Variants in SLC7A2 observed in about 807,000 individuals in gnomAD.
SLC7A2 encodes the protein solute carrier family 7 member 2.
SLC7A2 carries 48 observed loss-of-function variants against 58.9 expected under a neutral mutation model. The observed-to-expected ratio is 0.82, with a 90% CI of 0.65 to 1.04. SLC7A2 has a LOEUF of 1.04. Ranked by LOEUF, SLC7A2 falls within the 50% of genes least tolerant of loss-of-function variation. The pLI, the probability that SLC7A2 is intolerant of heterozygous loss-of-function variation, is 0.00. For missense variants in SLC7A2, 1,029 were observed against 818.8 expected (o/e 1.26, Z -3.13); for synonymous variants, 363 against 314.5 (o/e 1.15, Z -1.63).
chr8:17,504,143 C>CT (rs1800276973), intron 2 of SLC7A2, among the ~76,000 whole-genome samples: 2 of 152,208 alleles, frequency 1.3e-5, no homozygotes, highest in South Asian at 4.1e-4. Context: ...GAATAACAAA[C>CT]TACTAAGAAT....
chr8:17,509,239 G>T (rs1412850553), intron 2 of SLC7A2, among the ~76,000 whole-genome samples: 1 of 152,142 alleles, frequency 6.6e-6, no homozygotes, highest in African/African-American at 2.4e-5. Context: ...CCATGAATCA[G>T]AATTCAGGCT....
intron 2 of SLC7A2, among the ~76,000 whole-genome samples, chr8:17,505,793 C>G (rs1288241576): frequency 6.6e-6 from 1 of 152,072 alleles, no homozygotes; most frequent in Non-Finnish European, 1.5e-5. Context: ...TACGGATATT[C>G]TTGTAGAAAT....
intron 2 of SLC7A2, among the ~76,000 whole-genome samples, chr8:17,514,891 T>C (rs1352525043): frequency 6.6e-6 from 1 of 152,190 alleles, no homozygotes; most frequent in Non-Finnish European, 1.5e-5. Context: ...AATATGAATA[T>C]TTCTGGTATT....
intron 2 of SLC7A2, among the ~76,000 whole-genome samples, chr8:17,506,832 G>C (rs1335172391): frequency 6.6e-6 from 1 of 151,902 alleles, no homozygotes; most frequent in Non-Finnish European, 1.5e-5. Context: ...CTCATGTGAG[G>C]TTAGACAGCT....
intron 2 of SLC7A2, among the ~76,000 whole-genome samples, chr8:17,505,684 A>G (rs935134093): frequency 6.6e-6 from 1 of 152,198 alleles, no homozygotes; most frequent in African/African-American, 2.4e-5. Flanking sequence ...CAGAAAAAAA[A>G]TGGGTAAGCA....
chr8:17,515,650 T>C (rs1354682304), intron 2 of SLC7A2, among the ~76,000 whole-genome samples: 1 of 152,152 alleles, frequency 6.6e-6, no homozygotes, highest in Non-Finnish European at 1.5e-5. Context: ...TTTTTGGCAA[T>C]GTGTGCTTTG....
chr8:17,531,341 A>G (rs568624779), intron 2 of SLC7A2, among the ~76,000 whole-genome samples: 2 of 152,254 alleles, frequency 1.3e-5, no homozygotes, highest in South Asian at 4.1e-4. Flanking sequence ...GGACAGAAAA[A>G]TAAGTTATAG....
intron 2 of SLC7A2, among the ~76,000 whole-genome samples, chr8:17,530,675 C>A (rs914613910): frequency 6.6e-6 from 1 of 151,502 alleles, no homozygotes; most frequent in African/African-American, 2.4e-5. Flanking sequence ...TAGGTTCAAG[C>A]GTTTCTCCTG....
intron 2 of SLC7A2, among the ~76,000 whole-genome samples, chr8:17,522,137 G>C (rs10106231): frequency 6.6e-6 from 1 of 152,050 alleles, no homozygotes; most frequent in African/African-American, 2.4e-5. Flanking sequence ...TGGACTCACA[G>C]TTCCACATGG....
At position 17,568,874 on chromosome 8, in the gene SLC7A2, G is replaced by C. The variant is rs1362316537; in HGVS notation, c.*3728G>C. On this transcript the variant is annotated 3_prime_UTR_variant, in exon 13 of 13. Transcript: ENST00000494857. Reference sequence around the variant, plus strand: ...AGCTACTGGGGGTGCTGAGGTGGGAGGATCGCTTGAGCCCAGGAGAGTGAG... The same window carrying C: ...AGCTACTGGGGGTGCTGAGGTGGGACGATCGCTTGAGCCCAGGAGAGTGAG... 6.6e-6 allele frequency: 1 copy of C among 151,908 alleles called. No individual in the cohort carries two copies. Among genetic ancestry groups the C allele is most frequent in the Non-Finnish European group, 1.5e-5 (1 of 68,032 alleles). 9.4% of individuals were successfully genotyped at this position (151,908 alleles called of 1,614,324 possible). A position where few individuals can be genotyped will look rare whatever the true frequency, so the allele number is the denominator to read the frequency against.
At chr8:17,494,669 C>G (rs572526084), upstream of SLC7A2, among the ~76,000 whole-genome samples, 73 of 152,318 alleles carry the variant, frequency 4.8e-4, no homozygotes, top group African/African-American at 1.7e-3. Flanking sequence ...GAGACTCATA[C>G]TAAATCCGTG....
intron 2 of SLC7A2, among the ~76,000 whole-genome samples, chr8:17,541,925 A>C (rs552298480): frequency 1.3e-5 from 2 of 151,994 alleles, no homozygotes; most frequent in African/African-American, 4.8e-5. Context: ...TTTCAGTGTT[A>C]GATTGTTTAG....
intron 8 of SLC7A2, chr8:17,555,073 G>T (rs772435659): frequency 6.2e-7 from 1 of 1,613,778 alleles, no homozygotes; most frequent in South Asian, 1.1e-5. Flanking sequence ...GACTGCAGGG[G>T]TCATTTCTGG....
At chr8:17,517,136 A>G (rs1243737771) in intron 2 of SLC7A2, among the ~76,000 whole-genome samples, 1 of 152,222 alleles carries the variant, frequency 6.6e-6, no homozygotes, top group Non-Finnish European at 1.5e-5. Flanking sequence ...TTAAACACAC[A>G]TTCCTTGCAT....
At chr8:17,531,028 A>G (rs1227019532) in intron 2 of SLC7A2, among the ~76,000 whole-genome samples, 3 of 152,222 alleles carry the variant, frequency 2.0e-5, no homozygotes, top group Non-Finnish European at 4.4e-5. Context: ...ACAAATCTCC[A>G]TACGGTGTGG....
At chr8:17,534,825 T>G (rs1235785871) in intron 2 of SLC7A2, among the ~76,000 whole-genome samples, 1 of 152,158 alleles carries the variant, frequency 6.6e-6, no homozygotes, top group Non-Finnish European at 1.5e-5. Flanking sequence ...AAAGTTAATG[T>G]TTTAACTTTG....
chr8:17,504,492 T>C (rs936807763), intron 2 of SLC7A2, among the ~76,000 whole-genome samples: 10 of 152,242 alleles, frequency 6.6e-5, no homozygotes, highest in African/African-American at 2.4e-4. Flanking sequence ...GTGGTTCTTA[T>C]TATGGGATAA....
At chr8:17,524,401 CATATATGTGTGTGTGTGTGT>C (rs1324375480) in intron 2 of SLC7A2, among the ~76,000 whole-genome samples, 76 of 133,850 alleles carry the variant, frequency 5.7e-4, no homozygotes, top group Non-Finnish European at 1.4e-4. Context: ...GTGAGATATA[CATATATGTGTGTGTGTGTGT>C]ACACACACAC....
Position 17,543,324 on chromosome 8 carries a change from T to A in SLC7A2, c.-16T>A. 6.2e-7 allele frequency: 1 copy of A among 1,602,026 alleles called. No homozygotes were observed. Among genetic ancestry groups the A allele is most frequent in the Non-Finnish European group, 8.5e-7 (1 of 1,174,294 alleles). ...CCTCCTCCCTTCTGCTCAGGTCGCC[T>A]TCGTCAGACGTCAGAATGATTCCTT... On this transcript the variant is annotated 5_prime_UTR_variant, in exon 3 of 13. Transcript: ENST00000494857.
Sources: gnomAD v4.1 joint callset for allele counts (sites outside exome capture counted in the v4.1 genomes callset) on GRCh38, gnomAD v4.1.1 for gene constraint, MANE v1.5 for transcripts, NCBI Gene and HGNC (gene_info 2026-07-23, HGNC 2026-07-21) for gene names.